Variants in JADE3 observed in about 807,000 individuals in gnomAD.
JADE3 encodes protein Jade-3.
A neutral mutation model predicts 50.1 loss-of-function variants in JADE3; 2 were observed. The ratio of observed to expected loss-of-function variants is 0.04; its 90% CI spans 0.02 to 0.13. The LOEUF is 0.13. Among genes scored for constraint, JADE3 ranks in the 10% least tolerant of loss-of-function variants. JADE3 has a pLI of 1.00. For missense variants in JADE3, 475 were observed against 634.4 expected (o/e 0.75, Z 2.70); for synonymous variants, 218 against 232.9 (o/e 0.94, Z 0.58).
chrX:46,925,928 T>C (rs943806091), intron 1 of JADE3, among the ~76,000 whole-genome samples: 1 of 109,457 alleles, frequency 9.1e-6, no homozygotes, highest in African/African-American at 3.3e-5. Flanking sequence ...CTATCATAGC[T>C]GACTGCAGCC....
chrX:46,936,501 G>A (rs1926627845), intron 1 of JADE3, among the ~76,000 whole-genome samples: 1 of 111,339 alleles, frequency 9.0e-6, no homozygotes. Flanking sequence ...AAATGAGTTG[G>A]GAAAGCTTCC....
At chrX:46,981,369 C>CA (rs1927750507) in intron 1 of JADE3, among the ~76,000 whole-genome samples, 1 of 112,262 alleles carries the variant, frequency 8.9e-6, no homozygotes, top group African/African-American at 3.2e-5. Flanking sequence ...AAGTGCTACT[C>CA]TAAGTAGATC....
chrX:47,008,600 T>C (rs782171811), intron 4 of JADE3, among the ~76,000 whole-genome samples: 17 of 112,282 alleles, frequency 1.5e-4, no homozygotes, highest in Non-Finnish European at 2.8e-4. Flanking sequence ...TTTAATGTTT[T>C]GACAAAATTT....
Position 46,988,484 on chromosome X carries a change from A to T in JADE3, c.126+2692A>T, listed in dbSNP as rs192410951. On this transcript the variant is annotated intron_variant, in intron 3 of 10. Transcript: ENST00000614628. ...ATATTATGTAGGGTACAATAAGTATATAGTAAACATTTGTTGAAACTTTGG... is the reference window on the plus strand; with the variant it reads ...ATATTATGTAGGGTACAATAAGTATTTAGTAAACATTTGTTGAAACTTTGG... 1.5e-3 allele frequency among the ~76,000 whole-genome samples: 169 copies of T among 111,846 alleles called. 1 individual carries two copies. The highest frequency in any genetic ancestry group is 4.2e-3 in the Admixed American group (44 of 10,490).
intron 4 of JADE3, among the ~76,000 whole-genome samples, chrX:47,006,462 T>G (rs1411596663): frequency 9.7e-6 from 1 of 103,239 alleles, no homozygotes; most frequent in South Asian, 4.6e-4. Flanking sequence ...TTTTGTAGTT[T>G]TTTTTTTTTT....
chrX:47,053,882 G>A (rs1929573745), intron 8 of JADE3, among the ~76,000 whole-genome samples: 1 of 111,756 alleles, frequency 8.9e-6, no homozygotes, highest in African/African-American at 3.3e-5. Context: ...ACTGTTTACA[G>A]GAGCCCAGGA....
intron 1 of JADE3, among the ~76,000 whole-genome samples, chrX:46,922,546 C>T (rs1421256772): frequency 7.3e-5 from 8 of 109,529 alleles, no homozygotes; most frequent in African/African-American, 2.3e-4. Context: ...TATTTTCATT[C>T]GTCTCTTTTT....
intron 1 of JADE3, among the ~76,000 whole-genome samples, chrX:46,934,275 A>G (rs1455762769): frequency 1.8e-5 from 2 of 109,479 alleles, no homozygotes; most frequent in Non-Finnish European, 3.8e-5. Context: ...AGGTGGGACT[A>G]CAGGCGCACA....
chrX:46,993,659 A>G (rs912211760), intron 3 of JADE3, among the ~76,000 whole-genome samples: 17 of 112,202 alleles, frequency 1.5e-4, no homozygotes, highest in Non-Finnish European at 3.0e-4. Context: ...TATTCTTTAT[A>G]AGAAACCTGA....
rs143113676 is a variant in JADE3, at chrX:47,024,181, G to A, written c.285-543G>A. On this transcript the variant is annotated intron_variant, in intron 4 of 10. Coordinates refer to ENST00000614628, the MANE Select transcript of JADE3 (RefSeq NM_014735.5). ...TGTACCAAGAACACACTAATGTGAC[G>A]ACATTTTATTAGAATGAATGGGCCA... Among the ~76,000 whole-genome samples the A allele has an allele frequency of 4.8e-3, 538 of 112,025 alleles. 2 individuals carry two copies. The highest frequency in any genetic ancestry group is 0.023 in the Middle Eastern group (5 of 215).
chrX:47,044,228 GTAA>G (rs35304577), intron 8 of JADE3, among the ~76,000 whole-genome samples: 17,455 of 110,735 alleles, frequency 0.16, 1,232 homozygotes, highest in East Asian at 0.36. Flanking sequence ...CTCAAGACAT[GTAA>G]TAATCAAACT....
At chrX:46,994,057 AGT>A (rs1556356705) in intron 3 of JADE3, among the ~76,000 whole-genome samples, 1 of 112,163 alleles carries the variant, frequency 8.9e-6, no homozygotes, top group Non-Finnish European at 1.9e-5. Flanking sequence ...CGGACCAGAC[AGT>A]GTTACTCTTT....
rs1010886043 is a variant in JADE3, at chrX:47,058,320, C to G, written c.1715C>G (p.Ser572Cys). 1.2e-5 allele frequency: 15 copies of G among 1,211,451 alleles called. No individual in the cohort carries two copies. Among genetic ancestry groups the G allele is most frequent in the Non-Finnish European group, 1.7e-5 (15 of 895,431 alleles). The change falls in exon 11 of 11, where the codon TCT (serine) becomes TGT (cysteine). Residue 572 changes from serine (S) to cysteine (C), a missense_variant. Physicochemically the swap from Ser to Cys is moderately radical, Grantham distance 112 (BLOSUM62 -1). Coordinates refer to ENST00000614628, the MANE Select transcript of JADE3 (RefSeq NM_014735.5). Reference protein sequence around the residue: ...QQPHSPDSSSSVHSIRNMQVP... With the variant: ...QQPHSPDSSSCVHSIRNMQVP... ...CCCCACTCTCCTGACAGCAGCTCAT[C>G]TGTTCACAGTATAAGGAACATGCAG...
intron 1 of JADE3, among the ~76,000 whole-genome samples, chrX:46,915,756 G>GT (rs1317051494): frequency 1.9e-5 from 2 of 103,303 alleles, no homozygotes; most frequent in Non-Finnish European, 3.9e-5. Flanking sequence ...TTGGGAGAAA[G>GT]TAAAAAAAAA....
chrX:46,920,777 T>G (rs1192222748), intron 1 of JADE3, among the ~76,000 whole-genome samples: 1 of 112,368 alleles, frequency 8.9e-6, no homozygotes, highest in Admixed American at 9.4e-5. Context: ...TTGACTATCC[T>G]TCTGTGGATC....
At chrX:46,986,924 T>C (rs1013733832) in intron 3 of JADE3, among the ~76,000 whole-genome samples, 2 of 112,742 alleles carry the variant, frequency 1.8e-5, no homozygotes, top group African/African-American at 6.4e-5. Flanking sequence ...TATGTATTGC[T>C]ACATTACAAA....
rs140055150 is a variant in JADE3 at position 46,944,152 on chromosome X, A to G, written c.-12+31433A>G. 6.2e-3 allele frequency among the ~76,000 whole-genome samples: 682 copies of G among 109,224 alleles called. 3 individuals are homozygous for G. The highest frequency in any genetic ancestry group is 0.022 in the African/African-American group (656 of 29,977). The allele number at this position is 109,224 out of a possible 115,157, so 94.8% of individuals were successfully genotyped here. A position where few individuals can be genotyped will look rare whatever the true frequency, so the allele number is the denominator to read the frequency against. ...TCTTATTTAGCCTTTCAAATAACCA[A>G]CTTTTTGTTAATTCTGTGTGTGGAT... On this transcript the variant is annotated intron_variant, in intron 1 of 10. Transcript: ENST00000614628.
intron 1 of JADE3, among the ~76,000 whole-genome samples, chrX:46,952,944 G>A (rs1047210848): frequency 6.4e-5 from 7 of 109,852 alleles, no homozygotes; most frequent in Admixed American, 3.9e-4. Context: ...GTGGCAGTGA[G>A]CCAATATCGC....
chrX:47,026,265 G>C (rs1189085701), intron 5 of JADE3, among the ~76,000 whole-genome samples: 1 of 111,677 alleles, frequency 9.0e-6, no homozygotes, highest in Non-Finnish European at 1.9e-5. Flanking sequence ...AGGTTCCTTT[G>C]GTATTTTGTA....
Sources: allele counts gnomAD v4.1 joint callset (sites outside exome capture counted in the v4.1 genomes callset), GRCh38; gene constraint gnomAD v4.1.1; transcripts MANE v1.5; gene names NCBI Gene and HGNC (gene_info 2026-07-23, HGNC 2026-07-21).